MRPL33: variants seen among roughly 807,000 people sequenced by gnomAD.
MRPL33 encodes the protein large ribosomal subunit protein bL33m.
A neutral mutation model predicts 10.1 loss-of-function variants in MRPL33; 5 were observed. That is an observed-to-expected ratio of 0.49 (90% CI 0.26 to 1.04). The LOEUF is 1.04. MRPL33 is among the 50% of genes least tolerant of loss of function. MRPL33 has a pLI of 0.14. For synonymous variants in MRPL33, 24 were observed against 27.7 expected (o/e 0.87, Z 0.42); for missense variants, 79 against 78.1 (o/e 1.01, Z -0.04).
chr2:27,772,303 A>G (rs1677064371), intron 1 of MRPL33: 1 of 244,372 alleles, frequency 4.1e-6, no homozygotes, highest in Non-Finnish European at 7.8e-6. Context: ...GGTTGTTGTA[A>G]TTTGCAAAGG....
chr2:27,778,465 G>A (rs996933026), intron 3 of MRPL33, among the ~76,000 whole-genome samples: 1 of 149,486 alleles, frequency 6.7e-6, no homozygotes. Context: ...GTGTGTGGGT[G>A]TGTGTGTGAG....
intron 3 of MRPL33, 50 bp from the exon 4 acceptor site, chr2:27,779,383 C>G (rs1553373188): frequency 1.3e-6 from 2 of 1,555,516 alleles, no homozygotes. Context: ...ATAAAAATGG[C>G]GATGATACTT....
At chr2:27,774,592 G>C in intron 3 of MRPL33, 62 bp downstream of exon 3, 1 of 1,321,430 alleles carries the variant, frequency 7.6e-7, no homozygotes, top group Non-Finnish European at 1.1e-6. Context: ...CTGAACATCT[G>C]AACTCTCTGG....
chr2:27,771,777 C>G lies in MRPL33; in HGVS notation c.-1C>G. 1 of 1,614,110 alleles carries G rather than the reference C, an allele frequency of 6.2e-7. No homozygotes were observed. The highest frequency in any genetic ancestry group is 8.5e-7 in the Non-Finnish European group (1 of 1,179,978). On this transcript the variant is annotated 5_prime_UTR_variant, in exon 1 of 4. Coordinates refer to ENST00000296102, the MANE Select transcript of MRPL33 (RefSeq NM_004891.4). Reference sequence around the variant, plus strand: ...ACGGAGACTGCCCAGGTGTGGTCACCATGTTCCTCTCCGCGGTCTTCTGTA... The same window carrying G: ...ACGGAGACTGCCCAGGTGTGGTCACGATGTTCCTCTCCGCGGTCTTCTGTA...
chr2:27,772,393 T>G (rs1677065887), intron 1 of MRPL33: 1 of 364,308 alleles, frequency 2.7e-6, no homozygotes, highest in African/African-American at 2.1e-5. Flanking sequence ...CAGGTATTAC[T>G]TTAGAAAGAT....
At chr2:27,771,924 TC>T in intron 1 of MRPL33, 125 bp downstream of exon 1, 1 of 1,030,974 alleles carries the variant, frequency 9.7e-7, no homozygotes, top group Non-Finnish European at 1.4e-6. Flanking sequence ...TGCGTACTTT[TC>T]CAGGCCTTCA....
chr2:27,772,697 G>A lies in MRPL33; in HGVS notation c.41+5G>A. 1.2e-6 allele frequency: 2 copies of A among 1,600,764 alleles called. No homozygotes were observed. The highest frequency in any genetic ancestry group is 2.2e-5 in the South Asian group (2 of 89,460). ...AGTTGCCAAGAGCAAGTCAAAGTAA[G>A]TAAAGATTTTTCCTTTTTTAAACGT... On this transcript the variant is annotated splice_donor_5th_base_variant and intron_variant, in intron 2 of 3. Coordinates refer to ENST00000296102, the MANE Select transcript of MRPL33 (RefSeq NM_004891.4).
chr2:27,771,957 C>T (rs1288337037), intron 1 of MRPL33, 158 bp downstream of exon 1: 1 of 788,304 alleles, frequency 1.3e-6, no homozygotes, highest in Non-Finnish European at 2.0e-6. Flanking sequence ...TCCGGCATGC[C>T]CCGCGGCGCG....
rs1558529399 is a variant in MRPL33, at chr2:27,779,594, GCCT to G, written c.*116_*118del. 1 of 1,579,394 alleles carries G rather than the reference GCCT, an allele frequency of 6.3e-7. No individual in the cohort carries two copies. Among genetic ancestry groups the G allele is most frequent in the African/African-American group, 1.4e-5 (1 of 73,288 alleles). On this transcript the variant is annotated 3_prime_UTR_variant, in exon 4 of 4. Transcript: ENST00000296102. ...GAAGAGGAAATGGCATGGAATCACT[GCCT>G]CCTGTGATTTGAAGGCCATTGTGAA... is the stretch of plus-strand genomic sequence containing the variant.
chr2:27,773,540 C>T (rs1677092543), intron 2 of MRPL33, among the ~76,000 whole-genome samples: 1 of 152,168 alleles, frequency 6.6e-6, no homozygotes, highest in Non-Finnish European at 1.5e-5. Flanking sequence ...TATGTCTTGC[C>T]TGATTGACCT....
At chr2:27,776,073 CTTAATAAT>C (rs1677143958) in intron 3 of MRPL33, among the ~76,000 whole-genome samples, 1 of 152,146 alleles carries the variant, frequency 6.6e-6, no homozygotes, top group Non-Finnish European at 1.5e-5. Context: ...GTATTAGGAA[CTTAATAAT>C]TGTCAGTTTG....
chr2:27,775,565 T>C (rs1677132955), intron 3 of MRPL33, among the ~76,000 whole-genome samples: 1 of 152,102 alleles, frequency 6.6e-6, no homozygotes, highest in African/African-American at 2.4e-5. Flanking sequence ...TTAGCCACGC[T>C]GGTCTTGAAC....
At chr2:27,772,109 G>C (rs1212018771) in intron 1 of MRPL33, 4 of 403,934 alleles carry the variant, frequency 9.9e-6, no homozygotes, top group Non-Finnish European at 1.8e-5. Context: ...AAGGACCTCA[G>C]AATTTGCAGC....
chr2:27,775,022 T>C (rs1677123388), intron 3 of MRPL33, among the ~76,000 whole-genome samples: 2 of 152,216 alleles, frequency 1.3e-5, no homozygotes, highest in South Asian at 4.1e-4. Context: ...TAGTATTTGG[T>C]TCCTGATAGA....
chr2:27,772,906 A>C, intron 2 of MRPL33: 1 of 528,076 alleles, frequency 1.9e-6, no homozygotes, highest in Non-Finnish European at 3.3e-6. Flanking sequence ...TGAGCATTGA[A>C]ATACTTGAAG....
chr2:27,772,554 G>A (rs1677073669), intron 1 of MRPL33, 120 bp from the exon 2 acceptor site: 1 of 739,146 alleles, frequency 1.4e-6, no homozygotes, highest in East Asian at 2.7e-5. Flanking sequence ...GACACCTCAT[G>A]GCATATTTCA....
In MRPL33 at chr2:27,772,703, A is replaced by T; in HGVS notation, c.41+11A>T. ...CAAGAGCAAGTCAAAGTAAGTAAAG[A>T]TTTTTCCTTTTTTAAACGTCACTTG... On this transcript the variant is annotated intron_variant, in intron 2 of 3. Transcript: ENST00000296102. 1 of 1,598,758 alleles carries T rather than the reference A, an allele frequency of 6.3e-7. No individual in the cohort carries two copies. Among genetic ancestry groups the T allele is most frequent in the Non-Finnish European group, 8.6e-7 (1 of 1,169,228 alleles).
At chr2:27,774,571 C>A in intron 3 of MRPL33, 41 bp downstream of exon 3, 1 of 1,511,286 alleles carries the variant, frequency 6.6e-7, no homozygotes, top group Non-Finnish European at 9.2e-7. Flanking sequence ...GCCTGTTGCC[C>A]CCTTTGTAGG....
At chr2:27,774,994 C>G (rs926786450) in intron 3 of MRPL33, among the ~76,000 whole-genome samples, 1 of 152,172 alleles carries the variant, frequency 6.6e-6, no homozygotes, top group Non-Finnish European at 1.5e-5. Flanking sequence ...GTCCTGGCAT[C>G]ATCTGTTCGA....
Sources: gnomAD v4.1 joint callset for allele counts (sites outside exome capture counted in the v4.1 genomes callset) on GRCh38, gnomAD v4.1.1 for gene constraint, MANE v1.5 for transcripts, NCBI Gene and HGNC (gene_info 2026-07-23, HGNC 2026-07-21) for gene names.